GRIP1: variants seen among roughly 807,000 people sequenced by gnomAD.
GRIP1 encodes the protein glutamate receptor interacting protein 1, also known as glutamate receptor-interacting protein 1.
A neutral mutation model predicts 129.9 loss-of-function variants in GRIP1; 45 were observed. The observed-to-expected ratio is 0.35, with a 90% confidence interval of 0.27 to 0.44. GRIP1 has a LOEUF of 0.44. GRIP1 is among the 20% of genes least tolerant of loss of function. The pLI, the probability that GRIP1 is intolerant of heterozygous loss-of-function variation, is 1.00. For missense variants in GRIP1, 1,196 were observed against 1,396.8 expected (o/e 0.86, Z 2.29); for synonymous variants, 530 against 520.8 (o/e 1.02, Z -0.24).
chr12:66,774,521 A>G (rs1338039338), intron 1 of GRIP1, among the ~76,000 whole-genome samples: 2 of 152,224 alleles, frequency 1.3e-5, no homozygotes, highest in Non-Finnish European at 2.9e-5. Flanking sequence ...CTTAATATGT[A>G]AAACATTATT....
intron 5 of GRIP1, among the ~76,000 whole-genome samples, chr12:66,528,057 T>C (rs1164749322): frequency 1.3e-5 from 2 of 152,092 alleles, no homozygotes; most frequent in African/African-American, 4.8e-5. Context: ...GTTGTTAATG[T>C]AGGCACAGTC....
chr12:66,377,124 A>AC (rs745425566), intron 21 of GRIP1, 50 bp downstream of exon 21: 142 of 1,570,884 alleles, frequency 9.0e-5, no homozygotes, highest in Non-Finnish European at 1.2e-4. Context: ...AAAAGGACCA[A>AC]AAAAAATGAA....
intron 8 of GRIP1, among the ~76,000 whole-genome samples, chr12:66,464,942 C>T (rs151008388): frequency 7.3e-6 from 1 of 137,870 alleles, no homozygotes; most frequent in Non-Finnish European, 1.5e-5. Context: ...CACTTTCTTT[C>T]TTTCTTTCTT....
At chr12:66,725,430 AG>A (rs2036222208) in intron 1 of GRIP1, among the ~76,000 whole-genome samples, 1 of 152,236 alleles carries the variant, frequency 6.6e-6, no homozygotes, top group Admixed American at 6.5e-5. Context: ...TTAACTTTAC[AG>A]TTTTTTGTTG....
At chr12:66,758,225 G>C (rs1350031373) in intron 1 of GRIP1, among the ~76,000 whole-genome samples, 5 of 152,146 alleles carry the variant, frequency 3.3e-5, no homozygotes, top group African/African-American at 1.2e-4. Flanking sequence ...TCAGAATTAT[G>C]GTGGGAGGTA....
At position 66,751,986 on chromosome 12, in the gene GRIP1, C is replaced by T. The variant is rs533568779; in HGVS notation, c.-420+52067G>A. On this transcript the variant is annotated intron_variant, in intron 1 of 4. Transcript: ENST00000538373. ...AATCACTGTCAATAAGGTAAGCATG[C>T]CACAAATCCAAGGGGCCAATGTAAC... 5.9e-5 allele frequency among the ~76,000 whole-genome samples: 9 copies of T among 152,034 alleles called. No homozygotes were observed. The East Asian group carries it at 1.7e-3, about 29-fold the overall frequency.
intron 1 of GRIP1, among the ~76,000 whole-genome samples, chr12:66,909,865 CATA>C (rs2040999980): frequency 6.6e-6 from 1 of 152,096 alleles, no homozygotes; most frequent in African/African-American, 2.4e-5. Context: ...AAGTTACTGC[CATA>C]ATAATGTCAA....
chr12:66,982,437 C>A (rs968300085), intron 1 of GRIP1, among the ~76,000 whole-genome samples: 1 of 152,132 alleles, frequency 6.6e-6, no homozygotes, highest in Non-Finnish European at 1.5e-5. Flanking sequence ...TAGAACAGGG[C>A]AAAAGTGTTG....
At chr12:66,964,432 A>G (rs1051932874) in intron 1 of GRIP1, among the ~76,000 whole-genome samples, 1 of 152,060 alleles carries the variant, frequency 6.6e-6, no homozygotes, top group Middle Eastern at 3.2e-3. Context: ...GCCTAATCTC[A>G]CTAGTCCCCC....
chr12:66,377,011 A>G lies in GRIP1; in HGVS notation c.2778+6T>C. The G allele has an allele frequency of 1.2e-6, 2 of 1,601,650 alleles. No individual in the cohort carries two copies. The highest frequency in any genetic ancestry group is 1.7e-6 in the Non-Finnish European group (2 of 1,168,548). ...AAGCAAAAATATAAACATAAAGGGTAGCTACCAAGAGAGTCATGTTTCTCA... is the reference window on the plus strand; with the variant it reads ...AAGCAAAAATATAAACATAAAGGGTGGCTACCAAGAGAGTCATGTTTCTCA... On this transcript the variant is annotated splice_donor_region_variant and intron_variant, in intron 22 of 24. Transcript: ENST00000359742.
intron 5 of GRIP1, among the ~76,000 whole-genome samples, chr12:66,520,857 T>G (rs911571410): frequency 2.6e-5 from 4 of 152,246 alleles, no homozygotes; most frequent in African/African-American, 9.6e-5. Context: ...GGTACAGTGT[T>G]TCAATAATTA....
At chr12:66,442,977 T>C (rs1479075283) in intron 13 of GRIP1, among the ~76,000 whole-genome samples, 1 of 152,226 alleles carries the variant, frequency 6.6e-6, no homozygotes, top group Non-Finnish European at 1.5e-5. Flanking sequence ...AACTGGCCCA[T>C]GGTAAATAGT....
intron 1 of GRIP1, among the ~76,000 whole-genome samples, chr12:66,820,818 TAA>T (rs76089949): frequency 1.4e-5 from 2 of 144,326 alleles, no homozygotes; most frequent in East Asian, 2.0e-4. Context: ...GGGAGACAAT[TAA>T]AAAAAAAAAA....
intron 1 of GRIP1, among the ~76,000 whole-genome samples, chr12:66,760,252 C>T (rs1288056222): frequency 6.6e-6 from 1 of 152,138 alleles, no homozygotes; most frequent in Non-Finnish European, 1.5e-5. Context: ...CAAACTGTTT[C>T]AACCTCTGCC....
chr12:66,531,255 ATATATATATATATAT>A (rs2061450275), intron 4 of GRIP1, among the ~76,000 whole-genome samples: 1 of 4,816 alleles, frequency 2.1e-4, no homozygotes, highest in Admixed American at 3.5e-3. Flanking sequence ...AAAAAAAAAT[ATATATATATATATAT>A]ATATATATAT....
At chr12:66,864,563 A>AT (rs1007704260) in intron 1 of GRIP1, among the ~76,000 whole-genome samples, 8 of 151,104 alleles carry the variant, frequency 5.3e-5, no homozygotes, top group African/African-American at 1.9e-4. Context: ...TAAAAATAAA[A>AT]AAAAAATAGC....
intron 19 of GRIP1, among the ~76,000 whole-genome samples, chr12:66,388,977 G>C (rs1439551295): frequency 6.6e-6 from 1 of 152,138 alleles, no homozygotes; most frequent in Non-Finnish European, 1.5e-5. Context: ...AAGAAGGAGA[G>C]AACAGTAAGG....
chr12:66,724,136 C>G (rs1363459994), intron 1 of GRIP1, among the ~76,000 whole-genome samples: 1 of 152,186 alleles, frequency 6.6e-6, no homozygotes, highest in South Asian at 2.1e-4. Context: ...GTATGTAGGT[C>G]TGCTAAGTTG....
intron 1 of GRIP1, among the ~76,000 whole-genome samples, chr12:66,785,918 C>CA (rs2038328029): frequency 6.6e-6 from 1 of 151,478 alleles, no homozygotes; most frequent in Non-Finnish European, 1.5e-5. Context: ...TCCAACTCTA[C>CA]AAAAAAATTT....
Sources: gnomAD v4.1 joint callset for allele counts (sites outside exome capture counted in the v4.1 genomes callset) on GRCh38, gnomAD v4.1.1 for gene constraint, MANE v1.5 for transcripts, NCBI Gene and HGNC (gene_info 2026-07-23, HGNC 2026-07-21) for gene names.